NEK1: variants seen among roughly 807,000 people sequenced by gnomAD.
The protein encoded by NEK1 is serine/threonine-protein kinase Nek1.
A neutral mutation model predicts 182.1 loss-of-function variants in NEK1; 137 were observed. The observed-to-expected ratio is 0.75, with a 90% CI of 0.65 to 0.87. The LOEUF is 0.87. Ranked by LOEUF, NEK1 falls within the 40% of genes least tolerant of loss-of-function variation. The pLI, the probability that NEK1 is intolerant of heterozygous loss-of-function variation, is 0.00. For missense variants in NEK1, 1,391 were observed against 1,494.4 expected, an observed-to-expected ratio of 0.93 and a Z score of 1.14; for synonymous variants, 513 against 492.2, an observed-to-expected ratio of 1.04 and a Z score of -0.56.
intron 19 of NEK1, among the ~76,000 whole-genome samples, chr4:169,531,729 T>A (rs1757708764): frequency 6.6e-6 from 1 of 152,146 alleles, no homozygotes; most frequent in Non-Finnish European, 1.5e-5. Flanking sequence ...AGTCACTAGT[T>A]CAGTTACACA....
intron 12 of NEK1, among the ~76,000 whole-genome samples, chr4:169,573,422 T>C (rs1580873777): frequency 6.6e-6 from 1 of 152,204 alleles, no homozygotes; most frequent in African/African-American, 2.4e-5. Context: ...GGTTACATAT[T>C]GAAAGTTAGA....
At chr4:169,417,352 A>T (rs1734717417) in intron 31 of NEK1, among the ~76,000 whole-genome samples, 1 of 152,248 alleles carries the variant, frequency 6.6e-6, no homozygotes, top group Admixed American at 6.5e-5. Flanking sequence ...TAAGCAGCAG[A>T]AAGCCACTGA....
chr4:169,394,668 G>C, intron 35 of NEK1, 145 bp from the exon 36 acceptor site: 1 of 490,682 alleles, frequency 2.0e-6, no homozygotes, highest in Non-Finnish European at 3.6e-6. Flanking sequence ...CACATTCCTT[G>C]TAAAATATTC....
intron 18 of NEK1, among the ~76,000 whole-genome samples, chr4:169,543,687 G>C (rs1305521906): frequency 6.6e-6 from 1 of 152,128 alleles, no homozygotes; most frequent in Non-Finnish European, 1.5e-5. Context: ...AGTTCTCCTT[G>C]AAGAGGTCCT....
intron 27 of NEK1, among the ~76,000 whole-genome samples, chr4:169,448,343 T>C (rs1165078622): frequency 5.3e-5 from 8 of 152,198 alleles, no homozygotes; most frequent in Admixed American, 2.6e-4. Context: ...TTTGCTTGTT[T>C]GGTATCTGTT....
chr4:169,547,788 C>T (rs932717539), intron 18 of NEK1, among the ~76,000 whole-genome samples: 1 of 152,082 alleles, frequency 6.6e-6, no homozygotes, highest in African/African-American at 2.4e-5. Flanking sequence ...GTATGCTTCA[C>T]GAAGTTCTCA....
intron 27 of NEK1, among the ~76,000 whole-genome samples, chr4:169,447,707 A>C (rs1252439278): frequency 6.6e-6 from 1 of 152,072 alleles, no homozygotes; most frequent in African/African-American, 2.4e-5. Flanking sequence ...TCTCTATTAA[A>C]AATACAAAAA....
chr4:169,474,015 T>C (rs1356832321), intron 26 of NEK1, among the ~76,000 whole-genome samples: 1 of 152,072 alleles, frequency 6.6e-6, no homozygotes, highest in African/African-American at 2.4e-5. Flanking sequence ...GAGAACACTT[T>C]TGAAGAATTC....
chr4:169,411,419 T>C (rs1421623484), intron 31 of NEK1, among the ~76,000 whole-genome samples: 5 of 152,090 alleles, frequency 3.3e-5, no homozygotes, highest in African/African-American at 7.2e-5. Context: ...CTCTGCCTCC[T>C]GGGTTCAAGC....
chr4:169,601,507 T>A (rs910211595), intron 4 of NEK1, among the ~76,000 whole-genome samples: 2 of 151,992 alleles, frequency 1.3e-5, no homozygotes, highest in Admixed American at 6.6e-5. Context: ...TCAACATACC[T>A]CACTATTATA....
At chr4:169,415,877 C>T (rs1734460272) in intron 31 of NEK1, among the ~76,000 whole-genome samples, 1 of 152,154 alleles carries the variant, frequency 6.6e-6, no homozygotes, top group South Asian at 2.1e-4. Context: ...GTATCATGAT[C>T]CAGAGCATAT....
At chr4:169,503,942 C>T (rs1436399166) in intron 23 of NEK1, among the ~76,000 whole-genome samples, 1 of 152,030 alleles carries the variant, frequency 6.6e-6, no homozygotes, top group East Asian at 1.9e-4. Flanking sequence ...AAGAGACAAC[C>T]CACAGAATGG....
At chr4:169,555,116 A>G (rs1459751256) in intron 18 of NEK1, 4 of 152,386 alleles carry the variant, frequency 2.6e-5, no homozygotes, top group East Asian at 1.9e-4. Context: ...GATGCTTCAT[A>G]TATCAGGCTT....
intron 12 of NEK1, among the ~76,000 whole-genome samples, chr4:169,565,041 T>C (rs1208953540): frequency 2.0e-5 from 3 of 152,190 alleles, no homozygotes; most frequent in African/African-American, 7.2e-5. Context: ...CTCACTGTAT[T>C]ATTAGTTCCT....
chr4:169,415,409 A>C (rs1314962284), intron 31 of NEK1, among the ~76,000 whole-genome samples: 1 of 152,208 alleles, frequency 6.6e-6, no homozygotes, highest in Non-Finnish European at 1.5e-5. Flanking sequence ...GAAGCAAGGA[A>C]AGCATTTATT....
chr4:169,484,914 T>C (rs1748770541), intron 23 of NEK1, among the ~76,000 whole-genome samples: 2 of 152,236 alleles, frequency 1.3e-5, no homozygotes, highest in African/African-American at 4.8e-5. Flanking sequence ...ACCTAATAAA[T>C]AGTAGCAATT....
At chr4:169,502,904 TAA>T (rs1752638831) in intron 23 of NEK1, among the ~76,000 whole-genome samples, 1 of 152,096 alleles carries the variant, frequency 6.6e-6, no homozygotes, top group East Asian at 1.9e-4. Context: ...GAGAAAAAAA[TAA>T]AAGACATCCA....
intron 23 of NEK1, among the ~76,000 whole-genome samples, chr4:169,496,127 T>G (rs551360969): frequency 5.9e-5 from 9 of 152,322 alleles, no homozygotes; most frequent in African/African-American, 1.9e-4. Flanking sequence ...ACGTCCCTTG[T>G]AAGTTGGATT....
chr4:169,479,394 G>A lies in NEK1; in HGVS notation c.2139+9C>T. The A allele has an allele frequency of 1.2e-6, 2 of 1,604,356 alleles. No individual in the cohort carries two copies. The highest frequency in any genetic ancestry group is 1.7e-6 in the Non-Finnish European group (2 of 1,175,882). ...GACTTTGAGGAGTTCTGAATCTTAG[G>A]AAACTTACCACGCCAACTTCTTTCA... On this transcript the variant is annotated intron_variant, in intron 24 of 35. Transcript: ENST00000507142.
Sources: allele counts gnomAD v4.1 joint callset (sites outside exome capture counted in the v4.1 genomes callset), GRCh38; gene constraint gnomAD v4.1.1; transcripts MANE v1.5; gene names NCBI Gene and HGNC (gene_info 2026-07-23, HGNC 2026-07-21).